FAM20A: variants seen among roughly 807,000 people sequenced by gnomAD.
FAM20A encodes FAM20A golgi associated secretory pathway pseudokinase, also known as pseudokinase FAM20A.
FAM20A carries 42 observed loss-of-function variants against 52.0 expected under a neutral mutation model. The ratio of observed to expected loss-of-function variants is 0.81; its 90% CI spans 0.63 to 1.04. The LOEUF is 1.04. FAM20A is among the 50% of genes least tolerant of loss of function. The pLI, the probability that FAM20A is intolerant of heterozygous loss-of-function variation, is 0.00. For synonymous variants in FAM20A, 304 were observed against 298.9 expected (o/e 1.02, Z -0.18); for missense variants, 742 against 712.7 (o/e 1.04, Z -0.47).
At chr17:68,582,462 G>A (rs2088034598) in intron 1 of FAM20A, 1 of 152,222 alleles carries the variant, frequency 6.6e-6, no homozygotes, top group Non-Finnish European at 1.5e-5. Context: ...GACAACAGGA[G>A]GCCACAAAAG....
In FAM20A at chr17:68,540,941, A is replaced by T; in HGVS notation, c.1127T>A (p.Leu376His). ...GATCTGTTTCACTGTGTCACAGTAA[A>T]GGGGATTGACCTCCCACCTGAGGGG... ...AGKEEWEVNP[L>H]YCDTVKQIYP... is the part of the protein sequence containing the mutation. Residue 376 changes from leucine (L) to histidine (H), a missense_variant, in exon 8 of 11, where the codon CTT becomes CAT. By Grantham distance (99) the Leu-to-His change is moderately conservative (BLOSUM62 -3). Coordinates refer to ENST00000592554, the MANE Select transcript of FAM20A (RefSeq NM_017565.4). 6.3e-7 allele frequency: 1 copy of T among 1,594,608 alleles called. No individual in the cohort carries two copies. Among genetic ancestry groups the T allele is most frequent in the Non-Finnish European group, 8.6e-7 (1 of 1,169,504 alleles).
intron 1 of FAM20A, among the ~76,000 whole-genome samples, chr17:68,577,893 C>G (rs767353486): frequency 6.6e-6 from 1 of 152,188 alleles, no homozygotes; most frequent in Non-Finnish European, 1.5e-5. Flanking sequence ...AACACTAACA[C>G]ACGTGTTAGT....
chr17:68,599,550 C>T (rs913087882), intron 1 of FAM20A, among the ~76,000 whole-genome samples: 2 of 152,050 alleles, frequency 1.3e-5, no homozygotes, highest in African/African-American at 4.8e-5. Context: ...AGCATCAAGC[C>T]GCAGATCCAA....
chr17:68,573,008 C>G (rs149704305), intron 1 of FAM20A, among the ~76,000 whole-genome samples: 2 of 152,182 alleles, frequency 1.3e-5, no homozygotes, highest in Non-Finnish European at 2.9e-5. Flanking sequence ...AATGCACCCC[C>G]GCTTTGGAGG....
In FAM20A at chr17:68,566,430, A is replaced by G. The variant is rs79854462; in HGVS notation, c.405-10687T>C. On this transcript the variant is annotated intron_variant, in intron 1 of 10. Transcript: ENST00000592554. ...ACTATGGCCTGAGTATATTTTTGGT[A>G]TTAGTGGGTTACAAAATATTTTAGG... 3.9e-3 allele frequency among the ~76,000 whole-genome samples: 600 copies of G among 152,300 alleles called. 5 individuals are homozygous for G. The highest frequency in any genetic ancestry group is 5.5e-3 in the Non-Finnish European group (371 of 68,018).
In FAM20A at chr17:68,600,519, C is replaced by T. The variant is rs2088591635; in HGVS notation, c.148G>A (p.Ala50Thr). 2 of 1,574,184 alleles carry T rather than the reference C, an allele frequency of 1.3e-6. No homozygotes were observed. The highest frequency in any genetic ancestry group is 1.2e-5 in the South Asian group (1 of 86,506). The change falls in exon 1 of 11, where the codon GCC becomes ACC. Residue 50 changes from alanine to threonine, a missense_variant. Physicochemically the swap from Ala to Thr is moderately conservative, Grantham distance 58 (BLOSUM62 0). Transcript: ENST00000592554. This position sits in a 1 kb window ranked among gnomAD's most constrained non-coding sequence, Gnocchi z 6.2. ...GCCGAGTCCCGCGCCAGGGAGGAGG[C>T]GCGGCCGGTGCACGGGCACCCCCGC... ...RPRGCPCTGR[A>T]SSLARDSAAA...
intron 5 of FAM20A, 42 bp from the exon 6 acceptor site, chr17:68,542,851 G>T: frequency 6.9e-7 from 1 of 1,454,974 alleles, no homozygotes; most frequent in Non-Finnish European, 9.6e-7. Flanking sequence ...GGATGATCAG[G>T]GAGTGAGGAG....
At chr17:68,585,967 A>T (rs1247842825) in intron 1 of FAM20A, among the ~76,000 whole-genome samples, 1 of 152,194 alleles carries the variant, frequency 6.6e-6, no homozygotes, top group Non-Finnish European at 1.5e-5. Flanking sequence ...ACTACCAGGA[A>T]TTACCAGTGA....
rs1477120949 is a variant in FAM20A, at chr17:68,600,054, G to A, written c.404+209C>T. 6.6e-6 allele frequency among the ~76,000 whole-genome samples: 1 copy of A among 152,186 alleles called. No individual in the cohort carries two copies. The highest frequency in any genetic ancestry group is 6.5e-5 in the Admixed American group (1 of 15,276). On this transcript the variant is annotated intron_variant, in intron 1 of 10. Coordinates refer to ENST00000592554, the MANE Select transcript of FAM20A (RefSeq NM_017565.4). This position sits in a 1 kb window ranked among gnomAD's most constrained non-coding sequence, Gnocchi z 6.2. ...CGGCTGCAATAGAAACTTTTTCCTCGTACTATCTGACTCCGGGACTGGACT... is the reference window on the plus strand; with the variant it reads ...CGGCTGCAATAGAAACTTTTTCCTCATACTATCTGACTCCGGGACTGGACT...
At chr17:68,574,413 C>T (rs761985741) in intron 1 of FAM20A, among the ~76,000 whole-genome samples, 10 of 152,086 alleles carry the variant, frequency 6.6e-5, no homozygotes, top group Admixed American at 1.3e-4. Flanking sequence ...CCCACTCCCA[C>T]GATAACCCGT....
chr17:68,552,666 CTTTTTT>C (rs576230517), intron 3 of FAM20A, among the ~76,000 whole-genome samples: 27 of 66,850 alleles, frequency 4.0e-4, no homozygotes, highest in African/African-American at 5.8e-4. Flanking sequence ...CTTTATTTTC[CTTTTTT>C]TTTTTTTTTT....
chr17:68,552,086 C>T, intron 3 of FAM20A, 135 bp from the exon 4 acceptor site: 1 of 689,444 alleles, frequency 1.5e-6, no homozygotes, highest in South Asian at 1.5e-5. Flanking sequence ...GATGTGCTCT[C>T]CATAGCCTGC....
chr17:68,577,697 C>T (rs2087812570), intron 1 of FAM20A, among the ~76,000 whole-genome samples: 1 of 152,180 alleles, frequency 6.6e-6, no homozygotes, highest in Non-Finnish European at 1.5e-5. Context: ...GGATTTTGCA[C>T]TCGGTGTAAT....
At chr17:68,552,453 G>A (rs1022574259) in intron 3 of FAM20A, among the ~76,000 whole-genome samples, 1 of 152,000 alleles carries the variant, frequency 6.6e-6, no homozygotes, top group Admixed American at 6.6e-5. Context: ...GTACACCTGG[G>A]CTGGGACCAG....
intron 1 of FAM20A, among the ~76,000 whole-genome samples, chr17:68,568,235 C>T (rs900344667): frequency 6.6e-6 from 1 of 151,768 alleles, no homozygotes. Context: ...TTTGGGAGGC[C>T]GAGGCAGGCG....
intron 1 of FAM20A, among the ~76,000 whole-genome samples, chr17:68,579,413 G>GA (rs2087879311): frequency 6.6e-6 from 1 of 152,070 alleles, no homozygotes; most frequent in Non-Finnish European, 1.5e-5. Flanking sequence ...TTGGGGTAAG[G>GA]AGCTCCAGTG....
At chr17:68,565,892 T>C (rs2143771344) in intron 1 of FAM20A, among the ~76,000 whole-genome samples, 1 of 152,326 alleles carries the variant, frequency 6.6e-6, no homozygotes, top group East Asian at 1.9e-4. Flanking sequence ...AATCCTTCAA[T>C]AGGTCCTTGT....
Position 68,539,338 on chromosome 17 carries a change from T to C in FAM20A, c.1360A>G (p.Met454Val). The C allele has an allele frequency of 6.2e-7, 1 of 1,614,220 alleles. No individual in the cohort carries two copies. Among genetic ancestry groups the C allele is most frequent in the South Asian group, 1.1e-5 (1 of 91,086 alleles). The change falls in exon 10 of 11, where the codon ATG (methionine) becomes GTG (valine). Residue 454 changes from methionine to valine, a missense_variant and splice_region_variant. Coordinates refer to ENST00000592554, the MANE Select transcript of FAM20A (RefSeq NM_017565.4). The part of the protein sequence containing the change: ...SILSPLSQCC[M>V]IKKKTLLHLQ... ...ATTATCTGCTGCAGGAAAACTTACA[T>C]GCAGCACTGGGAGAGAGGCGAGAGG...
In FAM20A at chr17:68,572,334, A is replaced by G. The variant is rs1307916471; in HGVS notation, c.405-16591T>C. Reference sequence around the variant, plus strand: ...GCTGAGGCTTCATCAGCTTCATGGTAAATCTGCCTCTGACAGGCAATTGTG... The same window carrying G: ...GCTGAGGCTTCATCAGCTTCATGGTGAATCTGCCTCTGACAGGCAATTGTG... On this transcript the variant is annotated intron_variant, in intron 1 of 10. Transcript: ENST00000592554. 2.0e-5 allele frequency among the ~76,000 whole-genome samples: 3 copies of G among 152,280 alleles called. No individual in the cohort carries two copies. The East Asian group carries it at 5.8e-4, about 29-fold the overall frequency.
Sources: gnomAD v4.1 joint callset for allele counts (sites outside exome capture counted in the v4.1 genomes callset) on GRCh38, gnomAD v4.1.1 for gene constraint, Gnocchi (gnomAD v3.1) non-coding constraint, MANE v1.5 for transcripts, NCBI Gene and HGNC (gene_info 2026-07-23, HGNC 2026-07-21) for gene names.